The following KCNC2 variants were observed in gnomAD, a reference collection of about 807,000 sequenced individuals.
KCNC2 encodes the protein potassium voltage-gated channel subfamily C member 2, also known as voltage-gated potassium channel KCNC2.
In KCNC2, 21 loss-of-function variants were observed where a neutral mutation model predicts 44.5. The observed-to-expected ratio is 0.47, with a 90% confidence interval of 0.33 to 0.68. The LOEUF is 0.68. KCNC2 is among the 30% of genes least tolerant of loss of function. The pLI is 0.01. For synonymous variants in KCNC2, 391 were observed against 339.1 expected (o/e 1.15, Z -1.68); for missense variants, 589 against 826.2 (o/e 0.71, Z 3.52).
chr12:75,047,150 A>C (rs371365642), intron 4 of KCNC2, among the ~76,000 whole-genome samples: 3 of 152,160 alleles, frequency 2.0e-5, no homozygotes, highest in African/African-American at 7.2e-5. Flanking sequence ...TATTCTGTCA[A>C]CAAACAGAGG....
chr12:75,070,789 A>G (rs1883322050), intron 2 of KCNC2, among the ~76,000 whole-genome samples: 1 of 152,056 alleles, frequency 6.6e-6, no homozygotes, highest in Non-Finnish European at 1.5e-5. Flanking sequence ...TTATTAGGAC[A>G]GCATTTGTGG....
chr12:75,045,630 C>T (rs1315185146), intron 4 of KCNC2, among the ~76,000 whole-genome samples: 1 of 151,884 alleles, frequency 6.6e-6, no homozygotes, highest in African/African-American at 2.4e-5. Context: ...AGATATACAG[C>T]ATTCATTTTA....
intron 2 of KCNC2, among the ~76,000 whole-genome samples, chr12:75,158,616 T>C (rs1017689485): frequency 5.3e-5 from 8 of 151,872 alleles, no homozygotes; most frequent in African/African-American, 1.9e-4. Context: ...AATCTGGCTT[T>C]TAAAGCACTG....
chr12:75,168,548 A>T (rs1891606120), intron 2 of KCNC2, among the ~76,000 whole-genome samples: 5 of 151,566 alleles, frequency 3.3e-5, no homozygotes. Flanking sequence ...TTTACCAGGG[A>T]AAATATAATT....
intron 2 of KCNC2, among the ~76,000 whole-genome samples, chr12:75,088,651 T>C (rs534754674): frequency 6.9e-5 from 9 of 129,770 alleles, no homozygotes; most frequent in East Asian, 2.2e-4. Flanking sequence ...TTTAAGTACA[T>C]TGGAAGGCCT....
intron 2 of KCNC2, among the ~76,000 whole-genome samples, chr12:75,147,881 T>C (rs2137444787): frequency 6.6e-6 from 1 of 152,192 alleles, no homozygotes; most frequent in African/African-American, 2.4e-5. Flanking sequence ...ACATTCAAAG[T>C]TTAGAGTTTG....
At chr12:75,129,471 T>C (rs1888676139) in intron 2 of KCNC2, among the ~76,000 whole-genome samples, 1 of 152,188 alleles carries the variant, frequency 6.6e-6, no homozygotes, top group African/African-American at 2.4e-5. Flanking sequence ...AAATCTTATC[T>C]TGTTCGTTCT....
intron 2 of KCNC2, among the ~76,000 whole-genome samples, chr12:75,131,160 C>A (rs931804138): frequency 6.6e-6 from 1 of 151,972 alleles, no homozygotes; most frequent in Admixed American, 6.6e-5. Flanking sequence ...CAAAGTGACT[C>A]AAAGCATAAA....
intron 2 of KCNC2, among the ~76,000 whole-genome samples, chr12:75,140,663 C>G (rs116131996): frequency 6.6e-6 from 1 of 150,462 alleles, no homozygotes; most frequent in Admixed American, 6.6e-5. Flanking sequence ...AAAACCAAAA[C>G]GCAGGCAGAC....
chr12:75,042,835 A>T lies in KCNC2; in HGVS notation c.*270T>A. On this transcript the variant is annotated 3_prime_UTR_variant, in exon 5 of 5. Coordinates refer to ENST00000549446, the MANE Select transcript of KCNC2 (RefSeq NM_139137.4). ...TGTTTATATATTAGTGCACTGGTCA[A>T]TATCTGACACTATCTGTCATTTTAT... The T allele has an allele frequency of 7.8e-7, 1 of 1,275,446 alleles. No individual in the cohort carries two copies. The highest frequency in any genetic ancestry group is 2.2e-5 in the South Asian group (1 of 45,604). The allele number at this position is 1,275,446 out of a possible 1,614,324, so 79.0% of individuals were successfully genotyped here.
At chr12:75,069,378 C>T (rs950674867) in intron 2 of KCNC2, among the ~76,000 whole-genome samples, 6 of 151,926 alleles carry the variant, frequency 3.9e-5, no homozygotes, top group Admixed American at 6.6e-5. Context: ...TCAGGTGATC[C>T]GCCCGCCTCA....
At chr12:75,050,351 T>C in intron 3 of KCNC2, 39 bp downstream of exon 3, 1 of 1,394,456 alleles carries the variant, frequency 7.2e-7, no homozygotes, top group Non-Finnish European at 1.0e-6. Flanking sequence ...TACTGGTCTA[T>C]AAAGTATTTA....
chr12:75,188,385 T>C (rs548811182), intron 2 of KCNC2, among the ~76,000 whole-genome samples: 29 of 152,200 alleles, frequency 1.9e-4, no homozygotes, highest in Non-Finnish European at 4.0e-4. Flanking sequence ...TGTTGTTGGA[T>C]TTAGCAAATA....
chr12:75,067,723 G>A (rs1025526243), intron 2 of KCNC2, among the ~76,000 whole-genome samples: 17 of 152,238 alleles, frequency 1.1e-4, no homozygotes, highest in African/African-American at 4.1e-4. Flanking sequence ...TTAATATGGA[G>A]AATGTGTTCA....
chr12:75,157,818 C>T (rs1050629792), intron 2 of KCNC2, among the ~76,000 whole-genome samples: 3 of 151,706 alleles, frequency 2.0e-5, no homozygotes, highest in Admixed American at 1.3e-4. Context: ...AACTCCATGC[C>T]GCAAATGAAA....
At chr12:75,142,045 G>A (rs1051110414) in intron 2 of KCNC2, among the ~76,000 whole-genome samples, 2 of 152,112 alleles carry the variant, frequency 1.3e-5, no homozygotes, top group Non-Finnish European at 2.9e-5. Flanking sequence ...GGGAATACCT[G>A]AATTCAAATT....
Position 75,207,537 on chromosome 12 carries a change from C to G in KCNC2, c.447G>C (p.Glu149Asp). Residue 149 changes from glutamate (E) to aspartate (D), a missense_variant, in exon 2 of 5, where the codon GAG becomes GAC. Physicochemically the swap from Glu to Asp is conservative, Grantham distance 45. This residue lies in a region of KCNC2 where 40 missense variants were observed against 102.0 expected (regional missense o/e 0.39). Coordinates refer to ENST00000549446, the MANE Select transcript of KCNC2 (RefSeq NM_139137.4). The surrounding 1 kb of genome is among the most constrained non-coding windows in gnomAD (Gnocchi z 4.1). ...AFWGIDETDV[E>D]PCCWMTYRQH... ...GCCGGTAGGTCATCCAGCAGCAGGG[C>G]TCCACGTCGGTCTCGTCGATGCCCC... 1 of 1,612,266 alleles carries G rather than the reference C, an allele frequency of 6.2e-7. No homozygotes were observed. Among genetic ancestry groups the G allele is most frequent in the Non-Finnish European group, 8.5e-7 (1 of 1,179,882 alleles).
chr12:75,173,374 T>C (rs1311266699), intron 2 of KCNC2, among the ~76,000 whole-genome samples: 1 of 151,876 alleles, frequency 6.6e-6, no homozygotes, highest in Non-Finnish European at 1.5e-5. Context: ...TGAAATTATC[T>C]TACAACAATT....
chr12:75,148,926 A>C (rs1178399445), intron 2 of KCNC2, among the ~76,000 whole-genome samples: 3 of 151,150 alleles, frequency 2.0e-5, no homozygotes, highest in African/African-American at 7.3e-5. Flanking sequence ...AAATGGCATT[A>C]TTTCTTACAT....
Sources: allele counts gnomAD v4.1 joint callset (sites outside exome capture counted in the v4.1 genomes callset), GRCh38; gene constraint gnomAD v4.1.1; regional missense constraint gnomAD v4.1.1; non-coding constraint Gnocchi (gnomAD v3.1); transcripts MANE v1.5; gene names NCBI Gene and HGNC (gene_info 2026-07-23, HGNC 2026-07-21).